Variants in CTNNA2 observed in about 807,000 individuals in gnomAD.
CTNNA2 encodes the protein catenin alpha-2.
A neutral mutation model predicts 101.0 loss-of-function variants in CTNNA2; 42 were observed. That is an observed-to-expected ratio of 0.42 (90% CI 0.32 to 0.54). CTNNA2 has a LOEUF of 0.54. CTNNA2 is among the 20% of genes least tolerant of loss of function. The probability of loss-of-function intolerance (pLI) is 0.14; values close to 1 mark genes in which losing one functional copy is unlikely to be tolerated. For missense variants in CTNNA2, 871 were observed against 1,223.1 expected, an observed-to-expected ratio of 0.71 and a Z score of 4.29; for synonymous variants, 450 against 456.4, an observed-to-expected ratio of 0.99 and a Z score of 0.18.
intron 7 of CTNNA2, among the ~76,000 whole-genome samples, chr2:80,187,935 T>C (rs1423708339): frequency 6.6e-6 from 1 of 152,118 alleles, no homozygotes; most frequent in Non-Finnish European, 1.5e-5. Context: ...TGTAGATGTA[T>C]AGGTTAGACA....
At chr2:79,327,427 A>G (rs1676771932) in intron 3 of CTNNA2, among the ~76,000 whole-genome samples, 1 of 152,220 alleles carries the variant, frequency 6.6e-6, no homozygotes, top group African/African-American at 2.4e-5. Flanking sequence ...TTGCTCAGGA[A>G]TACAGGATTG....
At position 79,291,296 on chromosome 2, in the gene CTNNA2, A is replaced by G. The variant is rs12614946; in HGVS notation, c.-405-21413A>G. On this transcript the variant is annotated intron_variant, in intron 2 of 21. Transcript: ENST00000466387. ...AAAGCAAAGTACAGCTGTCATAACAAATGAGACTATCCCAGGAGACTGTCA... is the reference window on the plus strand; with the variant it reads ...AAAGCAAAGTACAGCTGTCATAACAGATGAGACTATCCCAGGAGACTGTCA... Among the ~76,000 whole-genome samples the G allele has an allele frequency of 6.4e-4, 97 of 152,334 alleles. 2 individuals carry two copies. The East Asian group carries it at 0.014, about 22-fold the overall frequency.
At chr2:80,107,070 G>T (rs1042566398) in intron 7 of CTNNA2, among the ~76,000 whole-genome samples, 1 of 152,080 alleles carries the variant, frequency 6.6e-6, no homozygotes, top group African/African-American at 2.4e-5. Context: ...GTGCCCTGTT[G>T]ATAGAGACAG....
chr2:79,547,407 C>G (rs1424871111), intron 1 of CTNNA2: 1 of 152,372 alleles, frequency 6.6e-6, no homozygotes, highest in Non-Finnish European at 1.5e-5. Flanking sequence ...TATGATTGCT[C>G]TCTTTCTATT....
chr2:80,097,508 A>G (rs182761646), intron 7 of CTNNA2, among the ~76,000 whole-genome samples: 185 of 152,152 alleles, frequency 1.2e-3, no homozygotes, highest in African/African-American at 4.2e-3. Context: ...CTCGAGGAGT[A>G]TCTTTGTGGC....
At position 79,233,834 on chromosome 2, in the gene CTNNA2, G is replaced by A. The variant is rs114458866; in HGVS notation, c.-406+35758G>A. On this transcript the variant is annotated intron_variant, in intron 2 of 21. Transcript: ENST00000466387. ...TGTTTCTTCTTTCTGATTATTGTTG[G>A]TTTAAAATCTATTTTATATGGTATA... Among the ~76,000 whole-genome samples the A allele has an allele frequency of 4.8e-3, 729 of 151,836 alleles. 2 individuals are homozygous for A. Among genetic ancestry groups the A allele is most frequent in the Non-Finnish European group, 7.6e-3 (513 of 67,926 alleles).
At chr2:79,409,412 C>A (rs1444065431) in intron 4 of CTNNA2, among the ~76,000 whole-genome samples, 2 of 152,062 alleles carry the variant, frequency 1.3e-5, no homozygotes, top group African/African-American at 4.8e-5. Flanking sequence ...AGGCTTTTTT[C>A]TAGGGTTTTT....
chr2:80,310,423 T>C (rs1472559456), intron 7 of CTNNA2, among the ~76,000 whole-genome samples: 2 of 152,172 alleles, frequency 1.3e-5, no homozygotes, highest in African/African-American at 4.8e-5. Flanking sequence ...TAGGAGATAA[T>C]GGTATTCTGA....
chr2:79,204,250 A>G (rs1487303176), intron 2 of CTNNA2, among the ~76,000 whole-genome samples: 1 of 152,230 alleles, frequency 6.6e-6, no homozygotes, highest in Non-Finnish European at 1.5e-5. Context: ...CAGCTCAGGA[A>G]TGCCACGCTG....
intron 3 of CTNNA2, among the ~76,000 whole-genome samples, chr2:79,756,411 T>C (rs1672401872): frequency 6.6e-6 from 1 of 152,170 alleles, no homozygotes. Context: ...GTGCTGAGAA[T>C]ATGAAATAAA....
chr2:79,356,059 C>A (rs11676444), intron 3 of CTNNA2, among the ~76,000 whole-genome samples: 44,988 of 150,890 alleles, frequency 0.3, 6,828 homozygotes, highest in Middle Eastern at 0.44. Flanking sequence ...GTCCTACCAG[C>A]GTATATATAT....
chr2:80,366,924 A>G (rs536835420), intron 7 of CTNNA2, among the ~76,000 whole-genome samples: 1 of 152,092 alleles, frequency 6.6e-6, no homozygotes, highest in African/African-American at 2.4e-5. Context: ...CATTGATTCC[A>G]TTGGTTCCAT....
At chr2:80,207,740 T>C (rs1186791548) in intron 7 of CTNNA2, among the ~76,000 whole-genome samples, 3 of 152,142 alleles carry the variant, frequency 2.0e-5, no homozygotes, top group African/African-American at 7.2e-5. Context: ...TAGCTATAGA[T>C]CTGGAGTGCA....
intron 9 of CTNNA2, among the ~76,000 whole-genome samples, chr2:80,520,453 T>C (rs570054112): frequency 6.6e-6 from 1 of 152,234 alleles, no homozygotes; most frequent in East Asian, 1.9e-4. Context: ...CAAAATAGCA[T>C]ACACTGGAAG....
chr2:79,294,623 G>A (rs914728637), intron 2 of CTNNA2, among the ~76,000 whole-genome samples: 1 of 152,092 alleles, frequency 6.6e-6, no homozygotes, highest in Non-Finnish European at 1.5e-5. Flanking sequence ...TAAAATATAA[G>A]TGGTGTCTAT....
intron 7 of CTNNA2, chr2:80,029,576 T>C (rs772199234): frequency 1.6e-4 from 25 of 152,202 alleles, no homozygotes; most frequent in Non-Finnish European, 3.1e-4. Context: ...ATGAAGGGCT[T>C]ACTGAGTTGT....
intron 1 of CTNNA2, chr2:79,573,817 C>T (rs1450214683): frequency 1.3e-5 from 2 of 152,118 alleles, no homozygotes; most frequent in Non-Finnish European, 2.9e-5. Flanking sequence ...TGGTATAAGG[C>T]CTACTCCTCT....
At chr2:79,694,915 CAA>C (rs1432319078) in intron 2 of CTNNA2, among the ~76,000 whole-genome samples, 1 of 151,360 alleles carries the variant, frequency 6.6e-6, no homozygotes, top group African/African-American at 2.4e-5. Context: ...ATGGCAAACT[CAA>C]GAAAAAAACA....
rs545335124 is a variant in CTNNA2 at position 79,927,615 on chromosome 2, T to C, written c.1056+17818T>C. On this transcript the variant is annotated intron_variant, in intron 7 of 18. Coordinates refer to ENST00000402739, the MANE Select transcript of CTNNA2 (RefSeq NM_001282597.3). ...ATCAATTATTCATTGAACTCACATG[T>C]CAGCTAAGTTAGGGCTGATCAAATT... Among the ~76,000 whole-genome samples the C allele has an allele frequency of 2.6e-5, 4 of 152,328 alleles. No homozygotes were observed. The South Asian group carries it at 8.3e-4, about 32-fold the overall frequency.
Sources: allele counts gnomAD v4.1 joint callset (sites outside exome capture counted in the v4.1 genomes callset), GRCh38; gene constraint gnomAD v4.1.1; transcripts MANE v1.5; gene names NCBI Gene and HGNC (gene_info 2026-07-23, HGNC 2026-07-21).